NLGN1: variants seen among roughly 807,000 people sequenced by gnomAD.
NLGN1 encodes neuroligin-1.
In NLGN1, 12 loss-of-function variants were observed where a neutral mutation model predicts 65.5. The observed-to-expected ratio is 0.18, with a 90% CI of 0.12 to 0.30. The LOEUF (loss-of-function observed/expected upper bound fraction) is 0.30. Among genes scored for constraint, NLGN1 ranks in the 10% least tolerant of loss-of-function variants. The pLI is 1.00. For synonymous variants in NLGN1, 350 were observed against 359.5 expected (o/e 0.97, Z 0.30); for missense variants, 750 against 1,007.1 (o/e 0.74, Z 3.46).
At chr3:173,415,052 G>A (rs916597171) in intron 1 of NLGN1, among the ~76,000 whole-genome samples, 9 of 152,172 alleles carry the variant, frequency 5.9e-5, no homozygotes, top group Admixed American at 6.5e-5. Context: ...ACTTCTCCTT[G>A]GTCTTTGATT....
intron 2 of NLGN1, among the ~76,000 whole-genome samples, chr3:173,562,438 G>A (rs1464998288): frequency 1.3e-5 from 2 of 151,900 alleles, no homozygotes; most frequent in Non-Finnish European, 2.9e-5. Flanking sequence ...ATGGTGGTGC[G>A]CACCTGTAGT....
intron 4 of NLGN1, among the ~76,000 whole-genome samples, chr3:174,043,122 C>T (rs1336717565): frequency 6.6e-6 from 1 of 152,134 alleles, no homozygotes; most frequent in African/African-American, 2.4e-5. Flanking sequence ...ATCATGAGAA[C>T]AGTATAAGGG....
intron 3 of NLGN1, among the ~76,000 whole-genome samples, chr3:173,657,369 C>A (rs917339924): frequency 6.6e-6 from 1 of 151,944 alleles, no homozygotes; most frequent in Non-Finnish European, 1.5e-5. Context: ...TTACTGCTAA[C>A]CTAGGAATCA....
intron 1 of NLGN1, among the ~76,000 whole-genome samples, chr3:173,429,814 G>A (rs371770063): frequency 3.5e-4 from 54 of 152,246 alleles, no homozygotes; most frequent in African/African-American, 1.2e-3. Flanking sequence ...GTATATCCCC[G>A]CTGTGTGGGA....
chr3:174,272,616 C>T (rs1749613416), intron 4 of NLGN1, among the ~76,000 whole-genome samples: 1 of 150,840 alleles, frequency 6.6e-6, no homozygotes, highest in African/African-American at 2.4e-5. Flanking sequence ...TCTAAATTCA[C>T]TCTAATGATC....
intron 2 of NLGN1, among the ~76,000 whole-genome samples, chr3:173,489,327 A>T (rs1728713453): frequency 6.6e-6 from 1 of 151,782 alleles, no homozygotes; most frequent in Admixed American, 6.6e-5. Context: ...GAGTGAGAAC[A>T]TGTGGTGTTT....
At chr3:173,632,849 G>GTTTTTTTTTTT (rs5854526) in intron 3 of NLGN1, among the ~76,000 whole-genome samples, 63 of 116,394 alleles carry the variant, frequency 5.4e-4, no homozygotes, top group Non-Finnish European at 8.2e-4. Context: ...TTTTTTTTTT[G>GTTTTTTTTTTT]TTTTTTTTTT....
chr3:173,549,035 A>AT (rs1346386654), intron 2 of NLGN1, among the ~76,000 whole-genome samples: 3 of 151,996 alleles, frequency 2.0e-5, no homozygotes, highest in African/African-American at 7.2e-5. Context: ...ATATTATGTC[A>AT]TTTTTACCAC....
intron 3 of NLGN1, among the ~76,000 whole-genome samples, chr3:173,615,043 T>C (rs1752853541): frequency 6.6e-6 from 1 of 152,112 alleles, no homozygotes. Context: ...TTTTTTCTTC[T>C]GTATTTATTT....
chr3:174,288,106 T>G (rs1752337307), downstream of NLGN1, among the ~76,000 whole-genome samples: 1 of 151,554 alleles, frequency 6.6e-6, no homozygotes, highest in African/African-American at 2.4e-5. Context: ...CTATACTCTG[T>G]AGCAAATCAC....
At chr3:173,501,988 A>G (rs538571960) in intron 2 of NLGN1, among the ~76,000 whole-genome samples, 1 of 152,232 alleles carries the variant, frequency 6.6e-6, no homozygotes, top group African/African-American at 2.4e-5. Flanking sequence ...TACATGACAG[A>G]TCCTTACATG....
At chr3:174,021,713 A>C (rs938895617) in intron 4 of NLGN1, among the ~76,000 whole-genome samples, 1 of 152,170 alleles carries the variant, frequency 6.6e-6, no homozygotes, top group African/African-American at 2.4e-5. Context: ...CATGCTGAGA[A>C]TCAGAAAAGA....
intron 2 of NLGN1, among the ~76,000 whole-genome samples, chr3:173,515,484 A>G (rs1265528468): frequency 6.6e-6 from 1 of 151,936 alleles, no homozygotes; most frequent in Non-Finnish European, 1.5e-5. Context: ...GAAGATTTTT[A>G]GTTTGCTGTA....
chr3:174,064,622 G>T (rs1026729478), intron 4 of NLGN1, among the ~76,000 whole-genome samples: 3 of 150,064 alleles, frequency 2.0e-5, no homozygotes, highest in Non-Finnish European at 4.4e-5. Context: ...ATGAGAATAT[G>T]TATATGTATA....
intron 4 of NLGN1, among the ~76,000 whole-genome samples, chr3:173,892,227 C>G (rs1357694198): frequency 7.0e-6 from 1 of 142,300 alleles, no homozygotes; most frequent in Non-Finnish European, 1.5e-5. Context: ...TATGTTAAAT[C>G]CTTTGTTCTG....
At chr3:173,537,151 A>G (rs139045163) in intron 2 of NLGN1, among the ~76,000 whole-genome samples, 1,635 of 152,284 alleles carry the variant, frequency 0.011, 31 homozygotes, top group African/African-American at 0.037. Context: ...GACACACACA[A>G]AAGAATGTCT....
intron 4 of NLGN1, chr3:173,912,734 T>G (rs1440735192): frequency 6.6e-6 from 1 of 152,198 alleles, no homozygotes; most frequent in Non-Finnish European, 1.5e-5. Flanking sequence ...GGAGAAATTT[T>G]ATGATATAAT....
chr3:173,554,018 T>C (rs140165148), intron 2 of NLGN1, among the ~76,000 whole-genome samples: 169 of 152,308 alleles, frequency 1.1e-3, no homozygotes, highest in African/African-American at 3.8e-3. Context: ...CTTGTTTGAT[T>C]CTTGGACATT....
chr3:174,086,897 C>A (rs529980389), intron 4 of NLGN1, among the ~76,000 whole-genome samples: 2 of 152,206 alleles, frequency 1.3e-5, no homozygotes, highest in East Asian at 1.9e-4. Context: ...GATTCAGAAT[C>A]TTTTAGCATC....
Sources: allele counts gnomAD v4.1 joint callset (sites outside exome capture counted in the v4.1 genomes callset), GRCh38; gene constraint gnomAD v4.1.1; transcripts MANE v1.5; gene names NCBI Gene and HGNC (gene_info 2026-07-23, HGNC 2026-07-21).